The following ZMAT4 variants were observed in gnomAD, a reference collection of about 807,000 sequenced individuals.
ZMAT4 encodes the protein zinc finger matrin-type 4, also known as zinc finger matrin-type protein 4.
In ZMAT4, 17 loss-of-function variants were observed where a neutral mutation model predicts 28.7. That is an observed-to-expected ratio of 0.59 (90% confidence interval 0.41 to 0.89). The LOEUF is 0.89. Among genes scored for constraint, ZMAT4 ranks in the 40% least tolerant of loss-of-function variants. The pLI, the probability that ZMAT4 is intolerant of heterozygous loss-of-function variation, is 0.00. For missense variants in ZMAT4, 240 were observed against 283.8 expected, an observed-to-expected ratio of 0.85 and a Z score of 1.11; for synonymous variants, 117 against 109.2, an observed-to-expected ratio of 1.07 and a Z score of -0.44.
intron 3 of ZMAT4, among the ~76,000 whole-genome samples, chr8:40,720,637 C>T (rs944580099): frequency 6.7e-6 from 1 of 149,824 alleles, no homozygotes; most frequent in Non-Finnish European, 1.5e-5. Context: ...AAGCAATTCT[C>T]CTGCCTCAGC....
intron 5 of ZMAT4, among the ~76,000 whole-genome samples, chr8:40,630,783 C>T (rs1020795799): frequency 8.6e-5 from 13 of 152,002 alleles, no homozygotes; most frequent in East Asian, 1.9e-4. Context: ...AAGTGTATTG[C>T]GTAGCCATTA....
At chr8:40,596,110 C>CA (rs1244897155) in intron 5 of ZMAT4, among the ~76,000 whole-genome samples, 16 of 151,476 alleles carry the variant, frequency 1.1e-4, no homozygotes, top group South Asian at 8.4e-4. Flanking sequence ...CAAAACAAAA[C>CA]AAAAAAAACC....
At chr8:40,765,977 G>A (rs111497997) in intron 3 of ZMAT4, among the ~76,000 whole-genome samples, 48 of 152,228 alleles carry the variant, frequency 3.2e-4, no homozygotes, top group South Asian at 1.5e-3. Flanking sequence ...CATAGAGTTC[G>A]GAGGTTACAT....
At chr8:40,697,432 A>C in intron 3 of ZMAT4, 31 bp from the exon 4 acceptor site, 1 of 1,489,658 alleles carries the variant, frequency 6.7e-7, no homozygotes, top group South Asian at 1.4e-5. Flanking sequence ...GCCACGTGTG[A>C]GAGAAACCCA....
intron 3 of ZMAT4, among the ~76,000 whole-genome samples, chr8:40,762,449 G>A (rs1309583889): frequency 6.6e-6 from 1 of 152,036 alleles, no homozygotes; most frequent in African/African-American, 2.4e-5. Context: ...AAAGCCAGGA[G>A]TTCAAGACCA....
intron 1 of ZMAT4, among the ~76,000 whole-genome samples, chr8:40,843,548 T>A (rs1300134575): frequency 6.6e-6 from 1 of 152,208 alleles, no homozygotes; most frequent in African/African-American, 2.4e-5. Context: ...CTAAAATCTC[T>A]TCTCTGGTCT....
At chr8:40,657,529 A>G (rs1398966047) in intron 5 of ZMAT4, among the ~76,000 whole-genome samples, 1 of 152,008 alleles carries the variant, frequency 6.6e-6, no homozygotes, top group Non-Finnish European at 1.5e-5. Context: ...GAAATCAGTT[A>G]TCATTCATAT....
chr8:40,744,321 G>A (rs1812132026), intron 3 of ZMAT4, among the ~76,000 whole-genome samples: 1 of 152,328 alleles, frequency 6.6e-6, no homozygotes, highest in East Asian at 1.9e-4. Context: ...TGCTAGGGGT[G>A]AAGATGGGGT....
chr8:40,663,325 T>A (rs893182487), intron 5 of ZMAT4, among the ~76,000 whole-genome samples: 1 of 152,194 alleles, frequency 6.6e-6, no homozygotes, highest in South Asian at 2.1e-4. Context: ...AGCATTGTGG[T>A]TGGAGGGCTC....
intron 5 of ZMAT4, among the ~76,000 whole-genome samples, chr8:40,617,652 T>C (rs929681959): frequency 6.6e-6 from 1 of 152,208 alleles, no homozygotes; most frequent in Non-Finnish European, 1.5e-5. Flanking sequence ...CCTCTTTGGT[T>C]ACAATGCCCT....
intron 1 of ZMAT4, among the ~76,000 whole-genome samples, chr8:40,854,523 T>G (rs934585410): frequency 6.6e-6 from 1 of 152,216 alleles, no homozygotes; most frequent in Non-Finnish European, 1.5e-5. Flanking sequence ...GCATGCAGAC[T>G]GTGGACCTCA....
intron 1 of ZMAT4, among the ~76,000 whole-genome samples, chr8:40,845,794 AAAAG>A (rs1271510443): frequency 8.2e-6 from 1 of 121,948 alleles, no homozygotes; most frequent in South Asian, 3.2e-4. Flanking sequence ...AAAAAAAAAA[AAAAG>A]AGAGAGAGAC....
chr8:40,634,958 A>G (rs999782759), intron 5 of ZMAT4, among the ~76,000 whole-genome samples: 4 of 152,188 alleles, frequency 2.6e-5, no homozygotes, highest in African/African-American at 7.2e-5. Flanking sequence ...GTACATATTT[A>G]TAGGGGTTTT....
At chr8:40,869,870 T>G (rs887718073) in intron 1 of ZMAT4, among the ~76,000 whole-genome samples, 5 of 152,210 alleles carry the variant, frequency 3.3e-5, no homozygotes, top group African/African-American at 4.8e-5. Flanking sequence ...TGAGACAGCA[T>G]GGACTTCTGG....
chr8:40,806,212 C>T (rs1815079158), intron 2 of ZMAT4, among the ~76,000 whole-genome samples: 1 of 152,182 alleles, frequency 6.6e-6, no homozygotes. Flanking sequence ...GTGGGCAGTT[C>T]GATCCACAGT....
At chr8:40,558,923 CTT>C (rs1170849301) in intron 6 of ZMAT4, among the ~76,000 whole-genome samples, 5 of 152,152 alleles carry the variant, frequency 3.3e-5, no homozygotes, top group Non-Finnish European at 5.9e-5. Context: ...AGAACAGACT[CTT>C]TGTGGCAATA....
intron 5 of ZMAT4, among the ~76,000 whole-genome samples, chr8:40,601,491 A>AAGAAAGAAAGAAAGAAAGAG (rs1238154422): frequency 2.8e-5 from 4 of 144,816 alleles, no homozygotes; most frequent in African/African-American, 1.0e-4. Flanking sequence ...GAAAGAAAGA[A>AAGAAAGAAAGAAAGAAAGAG]AGAGAGAAAG....
intron 2 of ZMAT4, among the ~76,000 whole-genome samples, chr8:40,794,187 G>A (rs145203131): frequency 2.6e-5 from 4 of 152,212 alleles, no homozygotes; most frequent in African/African-American, 7.2e-5. Context: ...TGCAGAACTC[G>A]GATAACAAGC....
intron 3 of ZMAT4, among the ~76,000 whole-genome samples, chr8:40,699,881 G>C (rs2150497185): frequency 6.6e-6 from 1 of 152,338 alleles, no homozygotes; most frequent in South Asian, 2.1e-4. Flanking sequence ...ACCACTTCCA[G>C]TGAAAACTCC....
Sources: allele counts gnomAD v4.1 joint callset (sites outside exome capture counted in the v4.1 genomes callset), GRCh38; gene constraint gnomAD v4.1.1; transcripts MANE v1.5; gene names NCBI Gene and HGNC (gene_info 2026-07-23, HGNC 2026-07-21).